The following HS3ST5 variants were observed in gnomAD, a reference collection of about 807,000 sequenced individuals.
HS3ST5 encodes heparan sulfate glucosamine 3-O-sulfotransferase 5.
A neutral mutation model predicts 25.4 loss-of-function variants in HS3ST5; 10 were observed. That is an observed-to-expected ratio of 0.39 (90% CI 0.24 to 0.67). HS3ST5 has a LOEUF of 0.67. Ranked by LOEUF, HS3ST5 falls within the 30% of genes least tolerant of loss-of-function variation. The pLI, the probability that HS3ST5 is intolerant of heterozygous loss-of-function variation, is 0.44. For synonymous variants in HS3ST5, 170 were observed against 162.4 expected, an observed-to-expected ratio of 1.05 and a Z score of -0.36; for missense variants, 324 against 420.7, an observed-to-expected ratio of 0.77 and a Z score of 2.01.
At chr6:114,286,837 T>C (rs1265079382) in intron 1 of HS3ST5, among the ~76,000 whole-genome samples, 1 of 152,026 alleles carries the variant, frequency 6.6e-6, no homozygotes, top group East Asian at 1.9e-4. Flanking sequence ...TCATGAATAA[T>C]ATTTTAAGAA....
chr6:114,128,192 G>T (rs1353834037), intron 3 of HS3ST5, among the ~76,000 whole-genome samples: 3 of 152,086 alleles, frequency 2.0e-5, no homozygotes, highest in African/African-American at 7.2e-5. Context: ...AAAAGTTTCT[G>T]TGATCACATC....
intron 4 of HS3ST5, among the ~76,000 whole-genome samples, chr6:114,061,930 G>A (rs930619050): frequency 2.6e-5 from 4 of 152,194 alleles, no homozygotes; most frequent in African/African-American, 9.6e-5. Flanking sequence ...CTTGGGCAAT[G>A]AGCGAAACTC....
chr6:114,092,391 C>T (rs1235972827), intron 3 of HS3ST5, among the ~76,000 whole-genome samples: 1 of 152,136 alleles, frequency 6.6e-6, no homozygotes, highest in South Asian at 2.1e-4. Context: ...GGAAATCTCT[C>T]CCCAAGGAGC....
intron 1 of HS3ST5, among the ~76,000 whole-genome samples, chr6:114,249,779 C>T (rs1016597983): frequency 6.6e-6 from 1 of 152,140 alleles, no homozygotes; most frequent in Non-Finnish European, 1.5e-5. Flanking sequence ...TGAGCCTCTC[C>T]ATCTGTCCAA....
chr6:114,260,135 A>G (rs1657205104), intron 1 of HS3ST5, among the ~76,000 whole-genome samples: 1 of 152,130 alleles, frequency 6.6e-6, no homozygotes, highest in African/African-American at 2.4e-5. Flanking sequence ...GAATCTTAAT[A>G]AATTCAATAT....
chr6:114,323,237 C>T (rs1332421006), intron 1 of HS3ST5, among the ~76,000 whole-genome samples: 1 of 152,042 alleles, frequency 6.6e-6, no homozygotes, highest in African/African-American at 2.4e-5. Context: ...AGGAAGAAAA[C>T]ATAAAGCAGG....
At chr6:114,196,654 CAA>C (rs1231145859) in intron 2 of HS3ST5, among the ~76,000 whole-genome samples, 13 of 79,156 alleles carry the variant, frequency 1.6e-4, no homozygotes, top group Admixed American at 1.4e-4. Flanking sequence ...TGGAGCTCCA[CAA>C]AAAAAAAAAA....
intron 3 of HS3ST5, among the ~76,000 whole-genome samples, chr6:114,092,166 C>T (rs145546465): frequency 1.7e-4 from 26 of 152,288 alleles, no homozygotes; most frequent in African/African-American, 6.0e-4. Flanking sequence ...TAGATAATCT[C>T]TTAGGGTCCT....
intron 1 of HS3ST5, among the ~76,000 whole-genome samples, chr6:114,232,790 C>A (rs1771660338): frequency 6.6e-6 from 1 of 152,188 alleles, no homozygotes; most frequent in African/African-American, 2.4e-5. Flanking sequence ...ACCTACTTCA[C>A]TACTTTTCTC....
intron 3 of HS3ST5, among the ~76,000 whole-genome samples, chr6:114,155,189 T>C (rs560699445): frequency 6.6e-6 from 1 of 152,244 alleles, no homozygotes; most frequent in South Asian, 2.1e-4. Context: ...TATTGTATTT[T>C]ATTATGATAC....
chr6:114,103,981 G>A (rs1384873780), intron 3 of HS3ST5, among the ~76,000 whole-genome samples: 4 of 151,494 alleles, frequency 2.6e-5, no homozygotes, highest in Non-Finnish European at 4.4e-5. Flanking sequence ...AATTACAGGC[G>A]TGAGCCACTG....
intron 1 of HS3ST5, among the ~76,000 whole-genome samples, chr6:114,261,493 T>C (rs1773169756): frequency 2.0e-5 from 3 of 152,110 alleles, no homozygotes; most frequent in African/African-American, 7.2e-5. Flanking sequence ...GGTCTGAATA[T>C]TAAAGAGAGT....
chr6:114,253,442 G>A (rs1047222926), intron 1 of HS3ST5, among the ~76,000 whole-genome samples: 2 of 152,120 alleles, frequency 1.3e-5, no homozygotes, highest in Admixed American at 6.6e-5. Context: ...TGTTTGGAGT[G>A]GGGTAGGGAG....
intron 2 of HS3ST5, among the ~76,000 whole-genome samples, chr6:114,208,457 T>C (rs1208852419): frequency 1.3e-5 from 2 of 152,146 alleles, no homozygotes; most frequent in Non-Finnish European, 2.9e-5. Context: ...TAAATGCCAA[T>C]GGTATCATTT....
At chr6:114,177,786 A>T (rs1168293433) in intron 2 of HS3ST5, among the ~76,000 whole-genome samples, 1 of 152,214 alleles carries the variant, frequency 6.6e-6, no homozygotes, top group Non-Finnish European at 1.5e-5. Flanking sequence ...ATAAATGTAC[A>T]TGAAAAGCAA....
intron 1 of HS3ST5, among the ~76,000 whole-genome samples, chr6:114,247,758 C>T (rs1772446825): frequency 1.3e-5 from 2 of 150,566 alleles, no homozygotes; most frequent in South Asian, 4.2e-4. Flanking sequence ...ATTTAATATC[C>T]ATATTTTTTC....
intron 1 of HS3ST5, among the ~76,000 whole-genome samples, chr6:114,318,946 C>T (rs989693162): frequency 1.3e-5 from 2 of 152,096 alleles, no homozygotes; most frequent in Non-Finnish European, 2.9e-5. Context: ...CAAGGAGACA[C>T]AAAATGTAGG....
intron 1 of HS3ST5, among the ~76,000 whole-genome samples, chr6:114,240,358 A>C (rs1395704858): frequency 6.6e-6 from 1 of 152,090 alleles, no homozygotes. Flanking sequence ...GACTCTTTTC[A>C]ATTTGTTTTT....
At chr6:114,318,311 A>T (rs1438854328) in intron 1 of HS3ST5, among the ~76,000 whole-genome samples, 1 of 152,144 alleles carries the variant, frequency 6.6e-6, no homozygotes, top group Non-Finnish European at 1.5e-5. Flanking sequence ...CAATCCCTTC[A>T]TTGATTTCAA....
Sources: allele counts gnomAD v4.1 joint callset (sites outside exome capture counted in the v4.1 genomes callset), GRCh38; gene constraint gnomAD v4.1.1; transcripts MANE v1.5; gene names NCBI Gene and HGNC (gene_info 2026-07-23, HGNC 2026-07-21).